Variants in BAZ2B observed in about 807,000 individuals in gnomAD.
BAZ2B encodes the protein bromodomain adjacent to zinc finger domain protein 2B.
In BAZ2B, 91 loss-of-function variants were observed where a neutral mutation model predicts 246.0. That is an observed-to-expected ratio of 0.37 (90% confidence interval 0.31 to 0.44). The LOEUF is 0.44. Ranked by LOEUF, BAZ2B falls within the 20% of genes least tolerant of loss-of-function variation. The pLI is 1.00. For missense variants in BAZ2B, 2,332 were observed against 2,533.7 expected (o/e 0.92, Z 1.71); for synonymous variants, 855 against 860.0 (o/e 0.99, Z 0.10).
intron 21 of BAZ2B, 107 bp from the exon 22 acceptor site, chr2:159,386,714 TG>T: frequency 1.6e-6 from 2 of 1,289,100 alleles, no homozygotes; most frequent in South Asian, 1.6e-5. Flanking sequence ...TTTCCCCTCT[TG>T]TATTGTACCA....
At chr2:159,399,717 G>A (rs965989207) in intron 17 of BAZ2B, among the ~76,000 whole-genome samples, 1 of 152,132 alleles carries the variant, frequency 6.6e-6, no homozygotes, top group East Asian at 1.9e-4. Flanking sequence ...GAATAAAACT[G>A]TAACAGAGAA....
At position 159,448,305 on chromosome 2, in the gene BAZ2B, G is replaced by T. The variant is rs373444443; in HGVS notation, c.439C>A (p.His147Asn). 45 of 1,613,328 alleles carry T rather than the reference G, an allele frequency of 2.8e-5. No individual in the cohort carries two copies. The African/African-American group carries it at 5.2e-4, about 19-fold the overall frequency. The change falls in exon 5 of 37, where the codon CAT (histidine) becomes AAT (asparagine). Residue 147 changes from histidine (H) to asparagine (N), a missense_variant. Physicochemically the swap from His to Asn is moderately conservative, Grantham distance 68. Around this residue, in one of 9 missense-constraint regions of BAZ2B, gnomAD observed 242 missense variants for 237.4 expected, o/e 1.02. Coordinates refer to ENST00000392783, the MANE Select transcript of BAZ2B (RefSeq NM_013450.4). ...CTTGAATGGAATGAAGAAGAATCAT[G>T]ATTCTGGGCTGGGGGAGCAAATAGT... ...PPLFAPPAQNHDSSSFHSRTS... is the reference protein window; with the variant it reads ...PPLFAPPAQNNDSSSFHSRTS...
At chr2:159,655,360 C>G in the BAZ2B span, among the ~76,000 whole-genome samples, 1 of 152,206 alleles carries the variant, frequency 6.6e-6, no homozygotes, top group Non-Finnish European at 1.5e-5. Context: ...AACCCACCTC[C>G]AGGACTTTAA....
intron 4 of BAZ2B, among the ~76,000 whole-genome samples, chr2:159,452,041 T>A (rs184079570): frequency 2.0e-5 from 3 of 152,302 alleles, no homozygotes; most frequent in Admixed American, 2.0e-4. Context: ...TAAACAACCA[T>A]GCTAGAAACT....
chr2:159,655,552 A>G, the BAZ2B span, among the ~76,000 whole-genome samples: 46 of 152,120 alleles, frequency 3.0e-4, no homozygotes, highest in African/African-American at 1.1e-3. Flanking sequence ...TCAAGTTTCT[A>G]CCAAAACTGG....
intron 18 of BAZ2B, 112 bp from the exon 19 acceptor site, chr2:159,397,501 T>C (rs772935818): frequency 1.5e-4 from 84 of 565,282 alleles, no homozygotes; most frequent in Non-Finnish European, 2.4e-4. Flanking sequence ...GGTTGAACCA[T>C]ATGAAATGGC....
intron 27 of BAZ2B, among the ~76,000 whole-genome samples, chr2:159,354,217 T>TTTTACTAG (rs1358271913): frequency 6.6e-6 from 1 of 152,160 alleles, no homozygotes. Context: ...ACACACCTAT[T>TTTTACTAG]TTTACTAGTT....
chr2:159,320,134 C>CT lies in BAZ2B; in HGVS notation c.*130dup, dbSNP rs904287556. On this transcript the variant is annotated 3_prime_UTR_variant, in exon 37 of 37. Transcript: ENST00000392783. Reference sequence around the variant, plus strand: ...TAAAAATGGTATCATTCTTCTGATACTTTTTTTTTATACTTAAGGAAAAAG... The same window carrying CT: ...TAAAAATGGTATCATTCTTCTGATACTTTTTTTTTTATACTTAAGGAAAAAG... 5.1e-4 allele frequency: 414 copies of CT among 817,094 alleles called. No individual in the cohort carries two copies. Among genetic ancestry groups the CT allele is most frequent in the Middle Eastern group, 8.0e-4 (2 of 2,486 alleles). The allele number at this position is 817,094 out of a possible 1,614,324, so 50.6% of individuals were successfully genotyped here. A position where few individuals can be genotyped will look rare whatever the true frequency, so the allele number is the denominator to read the frequency against.
In BAZ2B at chr2:159,568,104, T is replaced by C. The variant is rs1683084490; in HGVS notation, c.-45-12239A>G. 2.6e-5 allele frequency among the ~76,000 whole-genome samples: 4 copies of C among 152,208 alleles called. No individual in the cohort carries two copies. The South Asian group carries it at 8.3e-4, about 32-fold the overall frequency. ...CAATGTTGTGGAACCATAACCACTATCTAATTCCGGAACATTTTATCATTC... is the reference window on the plus strand; with the variant it reads ...CAATGTTGTGGAACCATAACCACTACCTAATTCCGGAACATTTTATCATTC... On this transcript the variant is annotated intron_variant, in intron 1 of 36. Transcript: ENST00000392783.
intron 3 of BAZ2B, among the ~76,000 whole-genome samples, chr2:159,467,050 T>C (rs184014879): frequency 5.9e-5 from 9 of 152,248 alleles, no homozygotes; most frequent in Non-Finnish European, 8.8e-5. Context: ...AAGAATCAGC[T>C]TTATGAAGAT....
chr2:159,382,079 G>A (rs1463124264), intron 25 of BAZ2B, among the ~76,000 whole-genome samples: 1 of 152,184 alleles, frequency 6.6e-6, no homozygotes, highest in Non-Finnish European at 1.5e-5. Flanking sequence ...CCTTCTCAGT[G>A]AGACTGTAAA....
At chr2:159,664,897 C>G in the BAZ2B span, among the ~76,000 whole-genome samples, 5 of 150,624 alleles carry the variant, frequency 3.3e-5, no homozygotes, top group Admixed American at 3.3e-4. Flanking sequence ...TCCCATTTGT[C>G]AATTTTGGCT....
chr2:159,506,986 T>C (rs1335142558), intron 2 of BAZ2B, among the ~76,000 whole-genome samples: 1 of 152,140 alleles, frequency 6.6e-6, no homozygotes, highest in Non-Finnish European at 1.5e-5. Context: ...CACACACAAA[T>C]CTCTTGTTCA....
At chr2:159,655,320 T>C in the BAZ2B span, among the ~76,000 whole-genome samples, 2 of 152,192 alleles carry the variant, frequency 1.3e-5, no homozygotes, top group Admixed American at 6.5e-5. Context: ...TTGTGGTATA[T>C]AGTATTCTTT....
the BAZ2B span, among the ~76,000 whole-genome samples, chr2:159,621,723 G>A: frequency 6.6e-6 from 1 of 152,202 alleles, no homozygotes; most frequent in Non-Finnish European, 1.5e-5. Context: ...TGTAATCCCA[G>A]CACTTTGGGA....
the BAZ2B span, among the ~76,000 whole-genome samples, chr2:159,622,528 A>T: frequency 6.6e-6 from 1 of 152,202 alleles, no homozygotes; most frequent in Non-Finnish European, 1.5e-5. Context: ...TACATAAAAT[A>T]GCTTTTCTAT....
chr2:159,679,287 A>AAAAC, the BAZ2B span, among the ~76,000 whole-genome samples: 345 of 139,938 alleles, frequency 2.5e-3, 13 homozygotes, highest in Middle Eastern at 0.015. Flanking sequence ...AAAAAAAAAA[A>AAAAC]AAAAAAAGAT....
chr2:159,403,444 G>C (rs188866361), intron 16 of BAZ2B, among the ~76,000 whole-genome samples: 1 of 152,202 alleles, frequency 6.6e-6, no homozygotes, highest in African/African-American at 2.4e-5. Context: ...TAAAAGTACT[G>C]ATGGGATCTA....
chr2:159,627,572 T>A, the BAZ2B span, among the ~76,000 whole-genome samples: 2 of 152,116 alleles, frequency 1.3e-5, no homozygotes, highest in African/African-American at 4.8e-5. Flanking sequence ...AAAAACCACA[T>A]GATTATCTCA....
Sources: allele counts gnomAD v4.1 joint callset (sites outside exome capture counted in the v4.1 genomes callset), GRCh38; gene constraint gnomAD v4.1.1; regional missense constraint gnomAD v4.1.1; transcripts MANE v1.5; gene names NCBI Gene and HGNC (gene_info 2026-07-23, HGNC 2026-07-21).